ZNF638: variants seen among roughly 807,000 people sequenced by gnomAD.
ZNF638 encodes the protein CTCL tumor antigen se33-1.
A neutral mutation model predicts 195.6 loss-of-function variants in ZNF638; 46 were observed. That is an observed-to-expected ratio of 0.24 (90% CI 0.19 to 0.30). The LOEUF (loss-of-function observed/expected upper bound fraction) is 0.30. Ranked by LOEUF, ZNF638 falls within the 10% of genes least tolerant of loss-of-function variation. The pLI, the probability that ZNF638 is intolerant of heterozygous loss-of-function variation, is 1.00. For synonymous variants in ZNF638, 845 were observed against 772.0 expected (o/e 1.09, Z -1.57); for missense variants, 2,440 against 2,325.3 (o/e 1.05, Z -1.01).
At chr2:71,369,277 G>T (rs6744076) in intron 7 of ZNF638, among the ~76,000 whole-genome samples, 14 of 149,346 alleles carry the variant, frequency 9.4e-5, no homozygotes, top group African/African-American at 3.0e-4. Context: ...GACTAGAGAT[G>T]GCGCCGCTGC....
intron 21 of ZNF638, among the ~76,000 whole-genome samples, chr2:71,419,974 C>CCCTTTTT (rs1189202093): frequency 7.4e-5 from 2 of 27,034 alleles, no homozygotes; most frequent in African/African-American, 1.6e-4. Flanking sequence ...CCCCCCCCGC[C>CCCTTTTT]TTTTTTTTTT....
intron 20 of ZNF638, among the ~76,000 whole-genome samples, chr2:71,411,220 G>A (rs139405269): frequency 0.013 from 1,928 of 150,486 alleles, 39 homozygotes; most frequent in African/African-American, 0.042. Flanking sequence ...GGCTGGTCTC[G>A]AACTCCTGAC....
rs777060373 is a variant in ZNF638 at position 71,423,489 on chromosome 2, A to G, written c.3975A>G (p.Gln1325=). ...CTAAGGAAACCAGAATGGATCTTCA[A>G]ATAGGAACAGAGAAGGCTGAAAAGA... The part of the protein sequence containing the change: ...FNTKETRMDL[Q]IGTEKAEKNE... The change falls in exon 22 of 28, where the codon CAA becomes CAG. Residue 1325 remains glutamine, a synonymous_variant. Coordinates refer to ENST00000264447, the MANE Select transcript of ZNF638 (RefSeq NM_014497.5). 69 of 1,613,630 alleles carry G rather than the reference A, an allele frequency of 4.3e-5. No homozygotes were observed. The highest frequency in any genetic ancestry group is 2.5e-4 in the Admixed American group (15 of 59,894).
chr2:71,393,182 C>T (rs914960751), intron 10 of ZNF638, among the ~76,000 whole-genome samples: 2 of 152,050 alleles, frequency 1.3e-5, no homozygotes, highest in African/African-American at 4.8e-5. Flanking sequence ...GAGTAAGGAC[C>T]CTGCAACACT....
intron 10 of ZNF638, chr2:71,395,216 A>C (rs1364367021): frequency 1.4e-6 from 1 of 717,096 alleles, no homozygotes; most frequent in Admixed American, 2.0e-5. Context: ...AATTATACTC[A>C]TGTTTGTCTT....
chr2:71,363,429 A>G (rs2079141911), intron 4 of ZNF638, among the ~76,000 whole-genome samples: 1 of 122,136 alleles, frequency 8.2e-6, no homozygotes, highest in African/African-American at 2.6e-5. Context: ...TTTTATGTTT[A>G]TGACATCTTC....
chr2:71,386,341 T>C (rs915232394), intron 10 of ZNF638, among the ~76,000 whole-genome samples: 2 of 151,368 alleles, frequency 1.3e-5, no homozygotes, highest in African/African-American at 4.9e-5. Context: ...ATGATATGTA[T>C]GTGTGTATAT....
intron 1 of ZNF638, among the ~76,000 whole-genome samples, chr2:71,337,134 A>G (rs2078683594): frequency 6.8e-6 from 1 of 147,456 alleles, no homozygotes; most frequent in Admixed American, 6.7e-5. Flanking sequence ...CATATTGCCT[A>G]TAGTTTTTTT....
intron 10 of ZNF638, among the ~76,000 whole-genome samples, chr2:71,381,688 G>T (rs776190615): frequency 1.6e-4 from 25 of 151,966 alleles, no homozygotes; most frequent in Admixed American, 2.0e-4. Context: ...AAAGGTTTGG[G>T]GTGTGTGTTA....
intron 21 of ZNF638, among the ~76,000 whole-genome samples, chr2:71,419,891 A>G (rs900974940): frequency 1.3e-5 from 2 of 151,134 alleles, no homozygotes; most frequent in African/African-American, 4.9e-5. Context: ...ATATTTCTTA[A>G]ATAATTTATA....
At chr2:71,348,026 C>CA in intron 1 of ZNF638, among the ~76,000 whole-genome samples, 1 of 152,128 alleles carries the variant, frequency 6.6e-6, no homozygotes, top group South Asian at 2.1e-4. Context: ...GGACAGTGCT[C>CA]TATATAGTTA....
chr2:71,411,348 A>C (rs1489580547), intron 20 of ZNF638, among the ~76,000 whole-genome samples: 1 of 150,894 alleles, frequency 6.6e-6, no homozygotes, highest in East Asian at 1.9e-4. Context: ...TTCAATTTTT[A>C]ATATTCTGTT....
At chr2:71,395,559 A>G (rs1183617232) in intron 10 of ZNF638, 2 of 600,448 alleles carry the variant, frequency 3.3e-6, no homozygotes, top group Non-Finnish European at 6.0e-6. Flanking sequence ...ACTTTTGCAG[A>G]CCTTTGATCA....
rs761159688 is a variant in ZNF638, at chr2:71,423,099, C to T, written c.3585C>T (p.Ala1195=). 74 of 1,613,868 alleles carry T rather than the reference C, an allele frequency of 4.6e-5. No individual in the cohort carries two copies. The highest frequency in any genetic ancestry group is 1.6e-4 in the Middle Eastern group (1 of 6,082). The part of the protein sequence containing the change: ...SVSIEQFTEN[A]EECALNQQMF... The stretch of plus-strand genomic sequence containing the variant: ...GTATTGAACAATTCACTGAAAATGC[C>T]GAGGAGTGTGCTTTAAATCAGCAGA... Residue 1195 remains alanine, a synonymous_variant, in exon 22 of 28, where the codon GCC becomes GCT. Coordinates refer to ENST00000264447, the MANE Select transcript of ZNF638 (RefSeq NM_014497.5).
chr2:71,363,985 C>G lies in ZNF638; in HGVS notation c.1450C>G (p.Pro484Ala), dbSNP rs774859356. Residue 484 changes from proline (P) to alanine (A), a missense_variant, in exon 5 of 28, where the codon CCA (proline) becomes GCA (alanine). Coordinates refer to ENST00000264447, the MANE Select transcript of ZNF638 (RefSeq NM_014497.5). ...NEGNRKENETPRRRSHSPSPR... is the reference protein window; with the variant it reads ...NEGNRKENETARRRSHSPSPR... ...GGGCAATAGAAAAGAAAATGAAACTCCACGAAGACGTTCTCATTCCCCCAG... is the reference window on the plus strand; with the variant it reads ...GGGCAATAGAAAAGAAAATGAAACTGCACGAAGACGTTCTCATTCCCCCAG... The G allele has an allele frequency of 3.1e-6, 5 of 1,613,904 alleles. No individual in the cohort carries two copies. The highest frequency in any genetic ancestry group is 4.2e-6 in the Non-Finnish European group (5 of 1,179,858).
intron 17 of ZNF638, among the ~76,000 whole-genome samples, chr2:71,404,570 A>G (rs1308259844): frequency 6.6e-6 from 1 of 152,120 alleles, no homozygotes; most frequent in Non-Finnish European, 1.5e-5. Flanking sequence ...TAAAATAATT[A>G]GCTGGGCCTG....
intron 10 of ZNF638, among the ~76,000 whole-genome samples, chr2:71,389,102 A>G (rs542517679): frequency 2.0e-5 from 3 of 152,270 alleles, no homozygotes; most frequent in Admixed American, 2.0e-4. Flanking sequence ...AGAAGGAACC[A>G]TCACCTACCT....
At chr2:71,385,881 A>T in intron 10 of ZNF638, among the ~76,000 whole-genome samples, 1 of 152,320 alleles carries the variant, frequency 6.6e-6, no homozygotes, top group South Asian at 2.1e-4. Context: ...AGGAATATTA[A>T]TGTTAAATTT....
In ZNF638 at chr2:71,427,269, C is replaced by T; in HGVS notation, c.5400C>T (p.Asp1800=). 2 of 1,613,520 alleles carry T rather than the reference C, an allele frequency of 1.2e-6. No individual in the cohort carries two copies. Among genetic ancestry groups the T allele is most frequent in the Non-Finnish European group, 1.7e-6 (2 of 1,179,906 alleles). Residue 1800 remains aspartate (D), a synonymous_variant, in exon 24 of 28, where the codon GAC becomes GAT. Coordinates refer to ENST00000264447, the MANE Select transcript of ZNF638 (RefSeq NM_014497.5). The stretch of plus-strand genomic sequence containing the variant: ...TTGAGTTAGCACAAAGCAAAAATGA[C>T]CATCCCACAGATAAAAAAGGGAATA... ...LKVELAQSKN[D]HPTDKKGNRK... is the part of the protein sequence containing the mutation.
Sources: gnomAD v4.1 joint callset for allele counts (sites outside exome capture counted in the v4.1 genomes callset) on GRCh38, gnomAD v4.1.1 for gene constraint, MANE v1.5 for transcripts, NCBI Gene and HGNC (gene_info 2026-07-23, HGNC 2026-07-21) for gene names.